The following UNC79 variants were observed in gnomAD, a reference collection of about 807,000 sequenced individuals.
UNC79 encodes unc-79 subunit of NALCN channel complex, also known as protein unc-79 homolog.
A neutral mutation model predicts 283.1 loss-of-function variants in UNC79; 37 were observed. The ratio of observed to expected loss-of-function variants is 0.13; its 90% CI spans 0.10 to 0.17. The LOEUF is 0.17. Among genes scored for constraint, UNC79 ranks in the 10% least tolerant of loss-of-function variants. The pLI, the probability that UNC79 is intolerant of heterozygous loss-of-function variation, is 1.00. For missense variants in UNC79, 2,272 were observed against 3,211.1 expected, an observed-to-expected ratio of 0.71 and a Z score of 7.07; for synonymous variants, 1,107 against 1,200.2, an observed-to-expected ratio of 0.92 and a Z score of 1.61.
chr14:93,351,429 G>T (rs904159772), intron 1 of UNC79, among the ~76,000 whole-genome samples: 1 of 151,976 alleles, frequency 6.6e-6, no homozygotes, highest in Non-Finnish European at 1.5e-5. Flanking sequence ...TAAATAAATA[G>T]AAGTTATTGT....
intron 45 of UNC79, chr14:93,691,211 A>T: frequency 6.2e-6 from 1 of 162,532 alleles, no homozygotes; most frequent in Admixed American, 5.7e-5. Flanking sequence ...AGAGTGATGG[A>T]GGTGATATAG....
intron 34 of UNC79, among the ~76,000 whole-genome samples, chr14:93,644,109 A>G (rs1032416133): frequency 6.6e-6 from 1 of 152,192 alleles, no homozygotes; most frequent in Non-Finnish European, 1.5e-5. Flanking sequence ...CACCTCATTT[A>G]ACTATGAAAC....
In UNC79 at chr14:93,474,461, G is replaced by C. The variant is rs1468091208; in HGVS notation, c.448+68G>C. 1.4e-6 allele frequency: 2 copies of C among 1,474,542 alleles called. No individual in the cohort carries two copies. The highest frequency in any genetic ancestry group is 1.8e-6 in the Non-Finnish European group (2 of 1,109,814). The allele number at this position is 1,474,542 out of a possible 1,614,324, so 91.3% of individuals were successfully genotyped here. On this transcript the variant is annotated intron_variant, in intron 3 of 48. Transcript: ENST00000555664. This position sits in a 1 kb window ranked among gnomAD's most constrained non-coding sequence, Gnocchi z 4.1. ...TATGAATGTATATGATGCTGAGCAA[G>C]GGGCTTGGAGATGGTCACTGTTGTA... is the stretch of plus-strand genomic sequence containing the variant.
chr14:93,523,941 A>T, intron 7 of UNC79, 37 bp from the exon 8 acceptor site: 1 of 1,602,170 alleles, frequency 6.2e-7, no homozygotes, highest in Non-Finnish European at 8.5e-7. Context: ...GAATAATTTC[A>T]ATGAGAAGTA....
intron 43 of UNC79, among the ~76,000 whole-genome samples, chr14:93,687,491 G>A (rs2074336302): frequency 6.6e-6 from 1 of 152,130 alleles, no homozygotes; most frequent in Non-Finnish European, 1.5e-5. Context: ...ATTGCAATCT[G>A]GTGCTAGATG....
intron 14 of UNC79, among the ~76,000 whole-genome samples, chr14:93,570,987 T>C (rs750481825): frequency 1.2e-4 from 18 of 152,246 alleles, no homozygotes; most frequent in Non-Finnish European, 2.4e-4. Flanking sequence ...ACAGAAATTA[T>C]AGAAATATAG....
rs530445225 is a variant in UNC79, at chr14:93,519,902, T to A, written c.899-4076T>A. Among the ~76,000 whole-genome samples the A allele has an allele frequency of 3.6e-3, 553 of 151,990 alleles. 5 individuals carry two copies. Among genetic ancestry groups the A allele is most frequent in the African/African-American group, 0.013 (532 of 41,548 alleles). On this transcript the variant is annotated intron_variant, in intron 7 of 48. Coordinates refer to ENST00000555664, the Ensembl canonical transcript of UNC79. ...ATTAGCCTCTATTCATTATAATTAT[T>A]TTTTGTTTTAAATAATCAACCATCT...
At chr14:93,532,216 C>A (rs189134196) in intron 10 of UNC79, among the ~76,000 whole-genome samples, 37 of 151,634 alleles carry the variant, frequency 2.4e-4, no homozygotes, top group Non-Finnish European at 4.4e-4. Flanking sequence ...GTAATCCTAG[C>A]CTTTTGGAGG....
chr14:93,368,730 C>G (rs1467171000), intron 1 of UNC79, among the ~76,000 whole-genome samples: 1 of 152,158 alleles, frequency 6.6e-6, no homozygotes, highest in Non-Finnish European at 1.5e-5. Flanking sequence ...CCTCAGCCTT[C>G]CAAAGTGCGG....
chr14:93,475,549 T>G (rs1040505175), intron 3 of UNC79, among the ~76,000 whole-genome samples: 1 of 152,190 alleles, frequency 6.6e-6, no homozygotes, highest in Non-Finnish European at 1.5e-5. Flanking sequence ...TGTATAATTC[T>G]GTAGCCGTCT....
chr14:93,436,352 AACATGTT>A (rs2056085078), intron 1 of UNC79, among the ~76,000 whole-genome samples: 1 of 152,244 alleles, frequency 6.6e-6, no homozygotes. Flanking sequence ...GTATTTATAC[AACATGTT>A]ACACATTTCT....
chr14:93,439,100 C>T (rs2056199853), intron 1 of UNC79, among the ~76,000 whole-genome samples: 1 of 151,868 alleles, frequency 6.6e-6, no homozygotes, highest in Non-Finnish European at 1.5e-5. Flanking sequence ...AGTCATTTTT[C>T]CATCTATTCT....
chr14:93,580,368 C>T (rs776146289), exon 19 of UNC79: 15 of 1,613,544 alleles, frequency 9.3e-6, no homozygotes, highest in Middle Eastern at 1.7e-4. Context: ...AGAAGAAAGC[C>T]GGCTGGTGGT....
chr14:93,419,018 C>T (rs578033810), intron 1 of UNC79, among the ~76,000 whole-genome samples: 104 of 151,900 alleles, frequency 6.8e-4, no homozygotes, highest in African/African-American at 2.3e-3. Flanking sequence ...ATGCACGGTG[C>T]GCTGCACCCA....
chr14:93,424,815 C>A lies in UNC79; in HGVS notation c.-350-42856C>A, dbSNP rs553711647. ...AGTATTTGCTAGCTCAGTAGAGCGA[C>A]TGTAGTCAAACATAATTTAATTGCA... On this transcript the variant is annotated intron_variant, in intron 1 of 49. Transcript: ENST00000256339. Among the ~76,000 whole-genome samples, 688 of 152,074 alleles carry A rather than the reference C, an allele frequency of 4.5e-3. 7 individuals carry two copies. Among genetic ancestry groups the A allele is most frequent in the African/African-American group, 0.016 (657 of 41,484 alleles).
intron 26 of UNC79, among the ~76,000 whole-genome samples, chr14:93,608,115 C>G (rs1039501053): frequency 6.6e-6 from 1 of 152,192 alleles, no homozygotes; most frequent in Non-Finnish European, 1.5e-5. Context: ...TCACCTCAGC[C>G]TCCCGAGTAG....
intron 25 of UNC79, among the ~76,000 whole-genome samples, chr14:93,601,176 T>C (rs2065474484): frequency 6.6e-6 from 1 of 152,164 alleles, no homozygotes; most frequent in South Asian, 2.1e-4. Flanking sequence ...TAGTGGTAAT[T>C]TCTGAGATTT....
intron 1 of UNC79, among the ~76,000 whole-genome samples, chr14:93,424,207 G>A (rs1430756485): frequency 1.3e-5 from 2 of 152,070 alleles, no homozygotes; most frequent in East Asian, 3.9e-4. Context: ...TCAAAAGTCA[G>A]GCAAAAACAA....
intron 1 of UNC79, among the ~76,000 whole-genome samples, chr14:93,413,131 C>A (rs912159585): frequency 1.3e-5 from 2 of 151,714 alleles, no homozygotes; most frequent in Non-Finnish European, 2.9e-5. Flanking sequence ...GTGCTGCACC[C>A]GTTAACTCAT....
Sources: gnomAD v4.1 joint callset for allele counts (sites outside exome capture counted in the v4.1 genomes callset) on GRCh38, gnomAD v4.1.1 for gene constraint, Gnocchi (gnomAD v3.1) non-coding constraint, MANE v1.5 for transcripts, NCBI Gene and HGNC (gene_info 2026-07-23, HGNC 2026-07-21) for gene names.